Variants in CAPRIN2 observed in about 807,000 individuals in gnomAD.
CAPRIN2 encodes the protein caprin-2.
A neutral mutation model predicts 130.4 loss-of-function variants in CAPRIN2; 66 were observed. The observed-to-expected ratio is 0.51, with a 90% CI of 0.42 to 0.62. The LOEUF is 0.62. CAPRIN2 is among the 20% of genes least tolerant of loss of function. The pLI, the probability that CAPRIN2 is intolerant of heterozygous loss-of-function variation, is 0.00. For synonymous variants in CAPRIN2, 471 were observed against 444.1 expected, an observed-to-expected ratio of 1.06 and a Z score of -0.76; for missense variants, 1,185 against 1,246.6, an observed-to-expected ratio of 0.95 and a Z score of 0.74.
chr12:30,711,535 G>GT, intron 16 of CAPRIN2, 31 bp downstream of exon 18: 3 of 1,551,302 alleles, frequency 1.9e-6, no homozygotes, highest in South Asian at 2.2e-5. Context: ...CATGTGCTGG[G>GT]TAAGAAAACT....
chr12:30,733,764 T>C (rs2063521104), intron 4 of CAPRIN2, 53 bp from the exon 6 acceptor site: 4 of 1,157,118 alleles, frequency 3.5e-6, no homozygotes, highest in Admixed American at 3.4e-5. Flanking sequence ...TACATATATA[T>C]GGAGCAGCAC....
At chr12:30,728,473 T>C in intron 8 of CAPRIN2, 175 bp downstream of exon 9, 1 of 564,226 alleles carries the variant, frequency 1.8e-6, no homozygotes, top group Non-Finnish European at 3.0e-6. Flanking sequence ...GAGAATCGCT[T>C]GAATCCAGGA....
intron 15 of CAPRIN2, 60 bp downstream of exon 17, chr12:30,713,725 T>G: frequency 1.0e-6 from 1 of 962,458 alleles, no homozygotes; most frequent in Non-Finnish European, 1.6e-6. Flanking sequence ...TATACTTCAA[T>G]CACCAGCTTA....
chr12:30,749,666 A>G (rs1443089630), intron 2 of CAPRIN2, among the ~76,000 whole-genome samples: 1 of 152,194 alleles, frequency 6.6e-6, no homozygotes, highest in African/African-American at 2.4e-5. Flanking sequence ...GACATAGCTA[A>G]GATTAGAGGA....
intron 15 of CAPRIN2, among the ~76,000 whole-genome samples, chr12:30,713,397 A>AG (rs1320250556): frequency 6.6e-6 from 1 of 152,236 alleles, no homozygotes; most frequent in African/African-American, 2.4e-5. Context: ...AAGGCAATGT[A>AG]GTAAAGTTAA....
rs1249467398 is a variant in CAPRIN2, at chr12:30,713,906, C to T, written c.2501-21G>A. 2.9e-6 allele frequency: 4 copies of T among 1,360,716 alleles called. No homozygotes were observed. In the South Asian group the frequency reaches 4.7e-5, roughly 16 times the overall value. The allele number at this position is 1,360,716 out of a possible 1,614,324, so 84.3% of individuals were successfully genotyped here. ...AAAACCTAATAAATAAACAAACTTA[C>T]ATAAGATTATGGACAAAATCATATT... On this transcript the variant is annotated intron_variant, in intron 14 of 16. Transcript: ENST00000298892.
chr12:30,718,164 T>G (rs2058255612), intron 12 of CAPRIN2, among the ~76,000 whole-genome samples: 1 of 152,228 alleles, frequency 6.6e-6, no homozygotes, highest in Admixed American at 6.5e-5. Context: ...GTCAGAGTAC[T>G]AAATTTCATT....
intron 9 of CAPRIN2, among the ~76,000 whole-genome samples, chr12:30,724,770 C>T (rs906981233): frequency 2.6e-5 from 4 of 152,106 alleles, no homozygotes; most frequent in African/African-American, 7.2e-5. Flanking sequence ...GTAGAAGGAT[C>T]GCTTGAGCTC....
intron 4 of CAPRIN2, among the ~76,000 whole-genome samples, chr12:30,734,055 C>T (rs955356616): frequency 4.6e-5 from 7 of 152,078 alleles, no homozygotes; most frequent in African/African-American, 1.7e-4. Flanking sequence ...TATTAAGAGC[C>T]GCATTTGACT....
At chr12:30,717,008 G>A (rs1591961588) in intron 12 of CAPRIN2, among the ~76,000 whole-genome samples, 1 of 152,304 alleles carries the variant, frequency 6.6e-6, no homozygotes, top group East Asian at 1.9e-4. Flanking sequence ...AAATGGTGCA[G>A]TCGCCCTGTG....
At chr12:30,713,624 A>G (rs2056205572) in intron 15 of CAPRIN2, among the ~76,000 whole-genome samples, 161 bp downstream of exon 17, 1 of 152,206 alleles carries the variant, frequency 6.6e-6, no homozygotes, top group South Asian at 2.1e-4. Flanking sequence ...GGGTAATTGC[A>G]AAAACTTCCA....
At chr12:30,725,899 T>A (rs2060786226) in intron 9 of CAPRIN2, 67 bp downstream of exon 10, 1 of 1,327,090 alleles carries the variant, frequency 7.5e-7, no homozygotes, top group Admixed American at 2.5e-5. Flanking sequence ...CTCTTAATAA[T>A]TTCACTGTAA....
At position 30,716,488 on chromosome 12, in the gene CAPRIN2, A is replaced by C. The variant is rs2057607265; in HGVS notation, c.2317+20T>G. Reference sequence around the variant, plus strand: ...GGCTGTCCCTCTAAGTCTTCCAAATATCATATGCAAAGATCTTACCAGTCT... The same window carrying C: ...GGCTGTCCCTCTAAGTCTTCCAAATCTCATATGCAAAGATCTTACCAGTCT... On this transcript the variant is annotated intron_variant, in intron 13 of 16. Coordinates refer to ENST00000298892, the Ensembl canonical transcript of CAPRIN2. 1.2e-6 allele frequency: 2 copies of C among 1,609,470 alleles called. No individual in the cohort carries two copies. Among genetic ancestry groups the C allele is most frequent in the Non-Finnish European group, 1.7e-6 (2 of 1,176,518 alleles).
chr12:30,746,012 T>G (rs7300410), intron 2 of CAPRIN2, among the ~76,000 whole-genome samples: 17,274 of 152,054 alleles, frequency 0.11, 1,066 homozygotes, highest in Middle Eastern at 0.16. Flanking sequence ...AAGAAAAACA[T>G]AGAGCATATT....
chr12:30,711,320 T>C (rs533750345), intron 16 of CAPRIN2, among the ~76,000 whole-genome samples: 6 of 152,332 alleles, frequency 3.9e-5, no homozygotes, highest in African/African-American at 1.4e-4. Flanking sequence ...AAGTTAAATA[T>C]GCTCTAGTGT....
intron 12 of CAPRIN2, among the ~76,000 whole-genome samples, chr12:30,717,067 C>T (rs2057833954): frequency 6.6e-6 from 1 of 152,136 alleles, no homozygotes; most frequent in African/African-American, 2.4e-5. Context: ...ACATATGATC[C>T]ACTAATTCCA....
chr12:30,716,334 CTT>C (rs1168117940), intron 13 of CAPRIN2, 172 bp downstream of exon 15: 1 of 561,706 alleles, frequency 1.8e-6, no homozygotes, highest in Non-Finnish European at 3.1e-6. Flanking sequence ...AATAGGTAAA[CTT>C]AACACAAAAA....
intron 3 of CAPRIN2, among the ~76,000 whole-genome samples, chr12:30,735,827 C>A (rs1045255128): frequency 6.6e-6 from 1 of 152,040 alleles, no homozygotes; most frequent in Admixed American, 6.6e-5. Context: ...AAAACAGATA[C>A]AGAAAATCAA....
intron 15 of CAPRIN2, 36 bp downstream of exon 17, chr12:30,713,749 T>C: frequency 8.3e-7 from 1 of 1,205,246 alleles, no homozygotes; most frequent in Non-Finnish European, 1.2e-6. Flanking sequence ...TCAACAACTG[T>C]ACCACTATTC....
Sources: gnomAD v4.1 joint callset for allele counts (sites outside exome capture counted in the v4.1 genomes callset) on GRCh38, gnomAD v4.1.1 for gene constraint, MANE v1.5 for transcripts, NCBI Gene and HGNC (gene_info 2026-07-23, HGNC 2026-07-21) for gene names.